Variants in ETFA observed in about 807,000 individuals in gnomAD.
ETFA encodes electron transfer flavoprotein subunit alpha, mitochondrial.
A neutral mutation model predicts 46.2 loss-of-function variants in ETFA; 22 were observed. The ratio of observed to expected loss-of-function variants is 0.48; its 90% confidence interval spans 0.34 to 0.68. The LOEUF is 0.68. ETFA is among the 30% of genes least tolerant of loss of function. ETFA has a pLI of 0.01. For synonymous variants in ETFA, 131 were observed against 139.9 expected (o/e 0.94, Z 0.45); for missense variants, 345 against 401.1 (o/e 0.86, Z 1.19).
At chr15:76,225,222 C>T (rs146706254) in intron 11 of ETFA, among the ~76,000 whole-genome samples, 1 of 152,270 alleles carries the variant, frequency 6.6e-6, no homozygotes, top group African/African-American at 2.4e-5. Context: ...TTATAAATTA[C>T]TTGAATCACT....
intron 1 of ETFA, among the ~76,000 whole-genome samples, 175 bp downstream of exon 1, chr15:76,311,175 C>T (rs2039994001): frequency 6.6e-6 from 1 of 152,230 alleles, no homozygotes; most frequent in South Asian, 2.1e-4. Flanking sequence ...ACTGGCGTTC[C>T]GCAGGGAGTC....
chr15:76,259,562 G>A (rs1459117429), intron 9 of ETFA: 28 of 1,055,088 alleles, frequency 2.7e-5, no homozygotes, highest in South Asian at 5.2e-5. Flanking sequence ...TGGTCACCCC[G>A]AAGGCCCACA....
rs2039997127 is a variant in ETFA at position 76,311,415 on chromosome 15, C to T, written c.-27G>A. On this transcript the variant is annotated 5_prime_UTR_variant, in exon 1 of 12. Transcript: ENST00000557943. ...GTCTCCGCTTCCGCCGCAACCTCGG[C>T]CTTACAGCAGCCCCGTGCCCGGCCA... is the stretch of plus-strand genomic sequence containing the variant. The T allele has an allele frequency of 2.6e-6, 4 of 1,552,590 alleles. No homozygotes were observed. Among genetic ancestry groups the T allele is most frequent in the Non-Finnish European group, 3.5e-6 (4 of 1,149,922 alleles).
intron 9 of ETFA, among the ~76,000 whole-genome samples, chr15:76,248,116 G>C (rs2039260810): frequency 6.6e-6 from 1 of 152,140 alleles, no homozygotes; most frequent in Non-Finnish European, 1.5e-5. Context: ...ACATTTTGGA[G>C]AACTGAGAAG....
intron 4 of ETFA, among the ~76,000 whole-genome samples, chr15:76,290,034 T>C (rs2039743954): frequency 6.6e-6 from 1 of 152,196 alleles, no homozygotes; most frequent in Admixed American, 6.5e-5. Context: ...CCACAAAGAT[T>C]ATTTCACCCA....
intron 11 of ETFA, among the ~76,000 whole-genome samples, chr15:76,223,672 A>C (rs2038979134): frequency 1.3e-5 from 2 of 152,212 alleles, no homozygotes; most frequent in South Asian, 4.1e-4. Flanking sequence ...GAGAACCTGA[A>C]ACTGGAAGTC....
intron 5 of ETFA, among the ~76,000 whole-genome samples, chr15:76,286,704 C>T (rs1425048944): frequency 6.6e-6 from 1 of 152,074 alleles, no homozygotes; most frequent in Admixed American, 6.6e-5. Context: ...ACAGGTACTA[C>T]CACACCTAGA....
chr15:76,305,369 T>C (rs2039929724), intron 1 of ETFA, among the ~76,000 whole-genome samples: 1 of 152,204 alleles, frequency 6.6e-6, no homozygotes, highest in Non-Finnish European at 1.5e-5. Flanking sequence ...ATGAAAACTT[T>C]TCTTAAAATT....
At chr15:76,258,642 G>C (rs148745723) in intron 9 of ETFA, among the ~76,000 whole-genome samples, 3 of 152,336 alleles carry the variant, frequency 2.0e-5, no homozygotes, top group Non-Finnish European at 4.4e-5. Context: ...CGGGACGGTA[G>C]AGCCTACAGG....
At chr15:76,233,936 A>T (rs1479370254) in intron 9 of ETFA, among the ~76,000 whole-genome samples, 1 of 152,160 alleles carries the variant, frequency 6.6e-6, no homozygotes, top group Non-Finnish European at 1.5e-5. Context: ...AAAAATGTTG[A>T]TTCACTCTGG....
chr15:76,295,936 C>CCTTTTT (rs2039816100), intron 1 of ETFA, among the ~76,000 whole-genome samples, 199 bp from the exon 2 acceptor site: 3 of 46,602 alleles, frequency 6.4e-5, no homozygotes, highest in African/African-American at 2.0e-4. Flanking sequence ...CACTAATATT[C>CCTTTTT]TTTTTTTTTT....
chr15:76,286,573 C>T, intron 5 of ETFA, 92 bp from the exon 6 acceptor site: 1 of 781,640 alleles, frequency 1.3e-6, no homozygotes, highest in South Asian at 1.5e-5. Context: ...ACAGACAAGG[C>T]AAGAAATAAC....
chr15:76,294,914 G>A (rs1252888952), intron 2 of ETFA, among the ~76,000 whole-genome samples: 1 of 152,152 alleles, frequency 6.6e-6, no homozygotes, highest in Admixed American at 6.6e-5. Flanking sequence ...ATTCCTCTGT[G>A]AAGTTTAAGC....
intron 11 of ETFA, among the ~76,000 whole-genome samples, chr15:76,223,166 A>C (rs562827832): frequency 6.7e-6 from 1 of 150,212 alleles, no homozygotes; most frequent in South Asian, 2.1e-4. Flanking sequence ...GGAGTGATTA[A>C]CTTCTCTACT....
chr15:76,310,314 AGCTAT>A (rs1567224235), intron 1 of ETFA, among the ~76,000 whole-genome samples: 1 of 145,770 alleles, frequency 6.9e-6, no homozygotes, highest in Non-Finnish European at 1.5e-5. Flanking sequence ...AAAGAGCTCC[AGCTAT>A]GCCTCAGAGA....
intron 9 of ETFA, among the ~76,000 whole-genome samples, chr15:76,240,525 G>C (rs1183184306): frequency 6.6e-6 from 1 of 152,124 alleles, no homozygotes; most frequent in African/African-American, 2.4e-5. Context: ...TGTTCAAAAT[G>C]TAAATTTAAT....
intron 1 of ETFA, among the ~76,000 whole-genome samples, chr15:76,303,063 G>C (rs62027047): frequency 0.28 from 43,134 of 152,024 alleles, 6,574 homozygotes; most frequent in East Asian, 0.58. Flanking sequence ...CCAGCACTTT[G>C]AGAGGCCGAG....
chr15:76,279,080 C>A (rs2039623353), intron 8 of ETFA, among the ~76,000 whole-genome samples: 1 of 152,164 alleles, frequency 6.6e-6, no homozygotes, highest in South Asian at 2.1e-4. Context: ...TTCTAGCTAC[C>A]ATCCATTTCC....
intron 9 of ETFA, among the ~76,000 whole-genome samples, chr15:76,268,671 C>A (rs2039498018): frequency 6.6e-6 from 1 of 152,188 alleles, no homozygotes; most frequent in African/African-American, 2.4e-5. Flanking sequence ...AGAAGACAGA[C>A]CTCCATCCTT....
Sources: gnomAD v4.1 joint callset for allele counts (sites outside exome capture counted in the v4.1 genomes callset) on GRCh38, gnomAD v4.1.1 for gene constraint, MANE v1.5 for transcripts, NCBI Gene and HGNC (gene_info 2026-07-23, HGNC 2026-07-21) for gene names.